KMT5B: variants seen among roughly 807,000 people sequenced by gnomAD.
The protein encoded by KMT5B is histone-lysine N-methyltransferase KMT5B.
Under a neutral mutation model 83.2 loss-of-function variants are expected in KMT5B, and 10 were observed. The ratio of observed to expected loss-of-function variants is 0.12; its 90% CI spans 0.07 to 0.20. The LOEUF (loss-of-function observed/expected upper bound fraction) is 0.20, where lower values mean the gene tolerates loss of function less well. KMT5B is among the 10% of genes least tolerant of loss of function. The pLI is 1.00. For synonymous variants in KMT5B, 349 were observed against 388.8 expected (o/e 0.90, Z 1.20); for missense variants, 753 against 1,067.2 (o/e 0.71, Z 4.10).
chr11:68,185,090 C>T (rs979431009), intron 3 of KMT5B, among the ~76,000 whole-genome samples: 1 of 152,012 alleles, frequency 6.6e-6, no homozygotes, highest in African/African-American at 2.4e-5. Context: ...AGAGAAAAGT[C>T]TATAATAAAA....
chr11:68,207,668 G>A (rs570399832), intron 1 of KMT5B, among the ~76,000 whole-genome samples: 27 of 151,554 alleles, frequency 1.8e-4, no homozygotes, highest in Admixed American at 5.9e-4. Flanking sequence ...GCACCTGCCC[G>A]TAGTCCCAGC....
chr11:68,174,159 C>T, intron 5 of KMT5B: 1 of 583,552 alleles, frequency 1.7e-6, no homozygotes, highest in Non-Finnish European at 3.2e-6. Flanking sequence ...CTGCAGTGAG[C>T]CATAATCAGG....
At chr11:68,192,949 T>C (rs752945288) in intron 1 of KMT5B, among the ~76,000 whole-genome samples, 22 of 152,216 alleles carry the variant, frequency 1.4e-4, no homozygotes, top group Non-Finnish European at 3.1e-4. Flanking sequence ...TGGGAACCGA[T>C]TGATCTGAAT....
chr11:68,173,736 G>T, intron 6 of KMT5B, 68 bp downstream of exon 6: 1 of 1,069,858 alleles, frequency 9.3e-7, no homozygotes, highest in Non-Finnish European at 1.4e-6. Flanking sequence ...GAATTTCTCA[G>T]CACTTCAACA....
At chr11:68,186,514 G>A (rs1857450991) in intron 2 of KMT5B, among the ~76,000 whole-genome samples, 1 of 152,182 alleles carries the variant, frequency 6.6e-6, no homozygotes, top group South Asian at 2.1e-4. Flanking sequence ...GGAAAGAAGT[G>A]GAGAGAGAAT....
chr11:68,183,723 G>A (rs1283393060), intron 3 of KMT5B, among the ~76,000 whole-genome samples: 1 of 150,146 alleles, frequency 6.7e-6, no homozygotes, highest in Non-Finnish European at 1.5e-5. Context: ...GCAGTGATGT[G>A]ATCTTGGTTC....
At position 68,158,241 on chromosome 11, in the gene KMT5B, C is replaced by G. The variant is rs1399203710; in HGVS notation, c.2105G>C (p.Arg702Thr). 1 of 1,614,144 alleles carries G rather than the reference C, an allele frequency of 6.2e-7. No individual in the cohort carries two copies. Among genetic ancestry groups the G allele is most frequent in the South Asian group, 1.1e-5 (1 of 91,080 alleles). ...AKSKKKRRIT[R>T]YDAQLILENN... ...TTCTAGGATTAACTGTGCATCATAC[C>G]TTGTGATTCGCCTCTTCTTTTTACT... Residue 702 changes from arginine to threonine, a missense_variant, in exon 11 of 11, where the codon AGG becomes ACG. Coordinates refer to ENST00000304363, the MANE Select transcript of KMT5B (RefSeq NM_017635.5).
At position 68,158,205 on chromosome 11, in the gene KMT5B, C is replaced by T. The variant is rs767893301; in HGVS notation, c.2141G>A (p.Gly714Glu). The T allele has an allele frequency of 6.2e-7, 1 of 1,614,096 alleles. No homozygotes were observed. Among genetic ancestry groups the T allele is most frequent in the South Asian group, 1.1e-5 (1 of 91,078 alleles). Reference sequence around the variant, plus strand: ...CCTACGAAGAGTCAATTTGGGAATCCCAGAGTTATTTTCTAGGATTAACTG... The same window carrying T: ...CCTACGAAGAGTCAATTTGGGAATCTCAGAGTTATTTTCTAGGATTAACTG... ...DAQLILENNS[G>E]IPKLTLRRRH... Residue 714 changes from glycine to glutamate, a missense_variant, in exon 11 of 11, where the codon GGG becomes GAG. Transcript: ENST00000304363.
chr11:68,207,964 G>A (rs543769684), intron 1 of KMT5B, among the ~76,000 whole-genome samples: 96 of 150,202 alleles, frequency 6.4e-4, no homozygotes, highest in African/African-American at 2.2e-3. Flanking sequence ...TCAGCCTCCC[G>A]AGTAGCAGGA....
In KMT5B at chr11:68,157,232, A is replaced by C. The variant is rs1309336289; in HGVS notation, c.*456T>G. The stretch of plus-strand genomic sequence containing the variant: ...CAAGGGGGAAACATCTAGCAAATAA[A>C]TCAAAAAGCCAAAGATCATTGCTGG... On this transcript the variant is annotated 3_prime_UTR_variant, in exon 11 of 11. Transcript: ENST00000304363. The C allele has an allele frequency of 1.3e-5, 2 of 152,930 alleles. No individual in the cohort carries two copies. Among genetic ancestry groups the C allele is most frequent in the Non-Finnish European group, 2.9e-5 (2 of 68,300 alleles). The allele number at this position is 152,930 out of a possible 1,614,324, so 9.5% of individuals were successfully genotyped here. A position where few individuals can be genotyped will look rare whatever the true frequency, so the allele number is the denominator to read the frequency against.
chr11:68,207,790 C>G lies in KMT5B; in HGVS notation c.-77+5348G>C, dbSNP rs1026639974. ...TGGGCAACAGAGTGAGACTCCATCTCAAAAAAAAAAAAAAAACAAACCAAA... is the reference window on the plus strand; with the variant it reads ...TGGGCAACAGAGTGAGACTCCATCTGAAAAAAAAAAAAAAAACAAACCAAA... On this transcript the variant is annotated intron_variant, in intron 1 of 10. Coordinates refer to ENST00000304363, the MANE Select transcript of KMT5B (RefSeq NM_017635.5). Among the ~76,000 whole-genome samples the G allele has an allele frequency of 3.8e-5, 3 of 79,854 alleles. No individual in the cohort carries two copies. In the Admixed American group the frequency reaches 4.2e-4, roughly 11 times the overall value. 52.4% of individuals were successfully genotyped at this position (79,854 alleles called of 152,430 possible).
At chr11:68,187,735 A>G (rs139738933) in intron 2 of KMT5B, among the ~76,000 whole-genome samples, 1 of 152,222 alleles carries the variant, frequency 6.6e-6, no homozygotes, top group Admixed American at 6.5e-5. Context: ...GTGGCGTATC[A>G]AAGTCTCCAA....
chr11:68,179,557 T>A, intron 4 of KMT5B: 1 of 1,304,212 alleles, frequency 7.7e-7, no homozygotes, highest in Non-Finnish European at 1.0e-6. Context: ...TGAAGAAAAG[T>A]TGTAGACTGT....
At position 68,158,186 on chromosome 11, in the gene KMT5B, A is replaced by C. The variant is rs764442751; in HGVS notation, c.2160T>G (p.Leu720=). 10 of 1,614,146 alleles carry C rather than the reference A, an allele frequency of 6.2e-6. No homozygotes were observed. In the Admixed American group the frequency reaches 1.5e-4, roughly 24 times the overall value. Residue 720 remains leucine (L), a synonymous_variant, in exon 11 of 11, where the codon CTT becomes CTG. Coordinates refer to ENST00000304363, the MANE Select transcript of KMT5B (RefSeq NM_017635.5). ...TGCTGCTGCTATCATGACGCCTACG[A>C]AGAGTCAATTTGGGAATCCCAGAGT... is the stretch of plus-strand genomic sequence containing the variant. The part of the protein sequence containing the change: ...ENNSGIPKLT[L]RRRHDSSSKT...
chr11:68,175,942 T>A (rs1590970709), intron 4 of KMT5B, among the ~76,000 whole-genome samples: 2 of 135,318 alleles, frequency 1.5e-5, no homozygotes, highest in African/African-American at 5.7e-5. Flanking sequence ...TGAGATGGAG[T>A]CTCACTCTGT....
Position 68,159,140 on chromosome 11 carries a change from T to C in KMT5B, c.1206A>G (p.Lys402=). Residue 402 remains lysine (K), a synonymous_variant, in exon 11 of 11, where the codon AAA becomes AAG. Coordinates refer to ENST00000304363, the MANE Select transcript of KMT5B (RefSeq NM_017635.5). ...TSNRKSSVGV[K]KNSKSRTLTR... ...TTAACGTTCTGCTCTTGCTATTCTT[T>C]TTTACGCCAACTGAAGATTTTCGGT... The C allele has an allele frequency of 6.3e-7, 1 of 1,576,368 alleles. No individual in the cohort carries two copies. The highest frequency in any genetic ancestry group is 1.4e-5 in the African/African-American group (1 of 72,630).
At chr11:68,159,224 GA>G (rs1056163971) in intron 10 of KMT5B, 53 bp from the exon 11 acceptor site, 1 of 1,501,780 alleles carries the variant, frequency 6.7e-7, no homozygotes, top group Non-Finnish European at 8.8e-7. Context: ...CAGAGTTCAA[GA>G]AAAGAATGCC....
At chr11:68,169,871 T>C (rs746876656) in intron 9 of KMT5B, among the ~76,000 whole-genome samples, 1 of 150,974 alleles carries the variant, frequency 6.6e-6, no homozygotes, top group African/African-American at 2.5e-5. Flanking sequence ...ATAATTTTTA[T>C]GTAGAAAAAG....
In KMT5B at chr11:68,180,135, A is replaced by G. The variant is rs905409749; in HGVS notation, c.374T>C (p.Val125Ala). ...GTTTTTAACACACACTACCTACCTC[A>G]CAGGGTTGTTGTGAGAAAAACTGTC... ...KSDSFSHNNP[V>A]RFRPIKGRQE... The change falls in exon 4 of 11, where the codon GTG (valine) becomes GCG (alanine). Residue 125 changes from valine to alanine, a missense_variant. Physicochemically the swap from Val to Ala is moderately conservative, Grantham distance 64 (BLOSUM62 0). This residue lies in a region of KMT5B where 71 missense variants were observed against 107.0 expected (regional missense o/e 0.66). Coordinates refer to ENST00000304363, the MANE Select transcript of KMT5B (RefSeq NM_017635.5). 3.2e-6 allele frequency: 5 copies of G among 1,581,990 alleles called. No homozygotes were observed. The African/African-American group carries it at 6.7e-5, about 21-fold the overall frequency.
Sources: gnomAD v4.1 joint callset for allele counts (sites outside exome capture counted in the v4.1 genomes callset) on GRCh38, gnomAD v4.1.1 for gene constraint, gnomAD v4.1.1 regional missense constraint, MANE v1.5 for transcripts, NCBI Gene and HGNC (gene_info 2026-07-23, HGNC 2026-07-21) for gene names.